TMCC1: variants seen among roughly 807,000 people sequenced by gnomAD.
TMCC1 encodes the protein transmembrane and coiled-coil domains protein 1.
Under a neutral mutation model 52.4 loss-of-function variants are expected in TMCC1, and 15 were observed. The observed-to-expected ratio is 0.29, with a 90% CI of 0.19 to 0.44. The LOEUF is 0.44. Among genes scored for constraint, TMCC1 ranks in the 20% least tolerant of loss-of-function variants. The pLI is 1.00. For missense variants in TMCC1, 503 were observed against 806.0 expected, an observed-to-expected ratio of 0.62 and a Z score of 4.55; for synonymous variants, 279 against 301.9, an observed-to-expected ratio of 0.92 and a Z score of 0.79.
intron 4 of TMCC1, among the ~76,000 whole-genome samples, chr3:129,709,278 C>G (rs528657625): frequency 6.6e-6 from 1 of 151,406 alleles, no homozygotes; most frequent in South Asian, 2.1e-4. Flanking sequence ...GCCTGGGCAA[C>G]ATGGTGAGAC....
intron 2 of TMCC1, among the ~76,000 whole-genome samples, chr3:129,858,499 T>G (rs961383527): frequency 4.6e-5 from 7 of 152,064 alleles, no homozygotes; most frequent in African/African-American, 1.7e-4. Flanking sequence ...GCCTCCTGAG[T>G]AGCTAGAACC....
chr3:129,706,853 A>C (rs969496649), intron 4 of TMCC1, among the ~76,000 whole-genome samples: 1 of 152,104 alleles, frequency 6.6e-6, no homozygotes, highest in African/African-American at 2.4e-5. Flanking sequence ...GCTGGAGTGC[A>C]ATGGCTATTC....
At chr3:129,881,995 G>C (rs185008748) in intron 1 of TMCC1, among the ~76,000 whole-genome samples, 65 of 152,204 alleles carry the variant, frequency 4.3e-4, no homozygotes, top group African/African-American at 1.5e-3. Context: ...AACTCCAAAA[G>C]CTTAACAACA....
intron 2 of TMCC1, among the ~76,000 whole-genome samples, chr3:129,865,174 A>G (rs576584559): frequency 3.0e-4 from 45 of 152,234 alleles, no homozygotes; most frequent in Admixed American, 1.4e-3. Flanking sequence ...TTTGCTCCAG[A>G]AAGCTCAGGC....
chr3:129,670,214 G>A (rs1167759913), intron 5 of TMCC1, 116 bp downstream of exon 5: 20 of 1,116,810 alleles, frequency 1.8e-5, no homozygotes, highest in Admixed American at 9.5e-5. Flanking sequence ...ATGACATACC[G>A]AAAGTGCTCT....
At chr3:129,807,948 G>GT (rs2057556484) in intron 4 of TMCC1, among the ~76,000 whole-genome samples, 1 of 152,168 alleles carries the variant, frequency 6.6e-6, no homozygotes, top group Admixed American at 6.5e-5. Context: ...CAGAACAAAA[G>GT]ATGTGCAACA....
intron 4 of TMCC1, among the ~76,000 whole-genome samples, chr3:129,740,592 A>T (rs193191989): frequency 9.9e-4 from 151 of 152,320 alleles, no homozygotes; most frequent in African/African-American, 3.4e-3. Context: ...AGAGCTATAA[A>T]GTACTCAAGA....
intron 2 of TMCC1, among the ~76,000 whole-genome samples, chr3:129,864,095 A>T (rs2060517348): frequency 6.6e-6 from 1 of 152,202 alleles, no homozygotes; most frequent in Non-Finnish European, 1.5e-5. Flanking sequence ...GCAGTTCTGT[A>T]AAAGAGTTCT....
intron 5 of TMCC1, among the ~76,000 whole-genome samples, chr3:129,657,048 T>G (rs2086711047): frequency 1.3e-5 from 2 of 152,328 alleles, no homozygotes; most frequent in South Asian, 4.1e-4. Context: ...CCAGAGACTT[T>G]TTTAAAGCCG....
At chr3:129,783,600 A>C (rs925946808) in intron 4 of TMCC1, among the ~76,000 whole-genome samples, 19 of 152,238 alleles carry the variant, frequency 1.2e-4, no homozygotes, top group African/African-American at 4.1e-4. Context: ...GCCTGTTTTA[A>C]GTATTTGATA....
chr3:129,789,934 C>T (rs553764552), intron 4 of TMCC1, among the ~76,000 whole-genome samples: 3 of 152,114 alleles, frequency 2.0e-5, no homozygotes, highest in South Asian at 2.1e-4. Flanking sequence ...ATCAACAGAA[C>T]TAGGAAAAGA....
intron 2 of TMCC1, among the ~76,000 whole-genome samples, chr3:129,835,857 A>T (rs998311179): frequency 9.2e-5 from 14 of 152,238 alleles, no homozygotes; most frequent in African/African-American, 3.4e-4. Flanking sequence ...AAGAAGAGAG[A>T]ACAAGATTAC....
rs530117975 is a variant in TMCC1, at chr3:129,874,484, G to A, written c.-184+5825C>T. On this transcript the variant is annotated intron_variant, in intron 2 of 6. Coordinates refer to ENST00000393238, the MANE Select transcript of TMCC1 (RefSeq NM_001017395.5). Reference sequence around the variant, plus strand: ...GCACTTTGAGAGGCTGAGGTGGGAGGACTGCTTAAGCCCAGGAGTTCAAGA... The same window carrying A: ...GCACTTTGAGAGGCTGAGGTGGGAGAACTGCTTAAGCCCAGGAGTTCAAGA... Among the ~76,000 whole-genome samples, 4 of 152,208 alleles carry A rather than the reference G, an allele frequency of 2.6e-5. No individual in the cohort carries two copies. The East Asian group carries it at 5.8e-4, about 22-fold the overall frequency.
At chr3:129,775,092 G>A (rs78117164) in intron 4 of TMCC1, among the ~76,000 whole-genome samples, 3,087 of 152,224 alleles carry the variant, frequency 0.02, 100 homozygotes, top group African/African-American at 0.068. Flanking sequence ...CCTGCTACTC[G>A]AGAATATTTA....
chr3:129,678,980 C>G (rs960144754), intron 4 of TMCC1, among the ~76,000 whole-genome samples: 2 of 152,170 alleles, frequency 1.3e-5, no homozygotes, highest in Admixed American at 6.5e-5. Context: ...CTGTAACTTT[C>G]CAGTGGCTCT....
intron 4 of TMCC1, among the ~76,000 whole-genome samples, chr3:129,802,543 G>A (rs2057254137): frequency 6.6e-6 from 1 of 152,192 alleles, no homozygotes; most frequent in Non-Finnish European, 1.5e-5. Flanking sequence ...GAAATTTGGG[G>A]TTACAGTGAG....
chr3:129,892,908 G>A (rs955068792), intron 1 of TMCC1, among the ~76,000 whole-genome samples: 3 of 152,160 alleles, frequency 2.0e-5, no homozygotes, highest in Admixed American at 6.5e-5. Context: ...GGCATCCTGA[G>A]GCCGAGACCA....
intron 4 of TMCC1, among the ~76,000 whole-genome samples, chr3:129,784,002 C>G (rs1317740530): frequency 6.6e-6 from 1 of 152,142 alleles, no homozygotes; most frequent in Non-Finnish European, 1.5e-5. Context: ...TTCAATGTGT[C>G]AAGCCTTATC....
intron 4 of TMCC1, among the ~76,000 whole-genome samples, chr3:129,720,469 G>A (rs886677184): frequency 6.6e-6 from 1 of 152,092 alleles, no homozygotes; most frequent in African/African-American, 2.4e-5. Flanking sequence ...ACGTGGATGA[G>A]TGTTAAAAAG....
Sources: allele counts gnomAD v4.1 joint callset (sites outside exome capture counted in the v4.1 genomes callset), GRCh38; gene constraint gnomAD v4.1.1; transcripts MANE v1.5; gene names NCBI Gene and HGNC (gene_info 2026-07-23, HGNC 2026-07-21).